The following MICAL3 variants were observed in gnomAD, a reference collection of about 807,000 sequenced individuals.
The protein encoded by MICAL3 is microtubule associated monooxygenase, calponin and LIM domain containing 3, also known as [F-actin]-monooxygenase MICAL3.
In MICAL3, 62 loss-of-function variants were observed where a neutral mutation model predicts 207.4. The observed-to-expected ratio is 0.30, with a 90% CI of 0.24 to 0.37. The LOEUF is 0.37. Among genes scored for constraint, MICAL3 ranks in the 10% least tolerant of loss-of-function variants. The probability of loss-of-function intolerance (pLI) is 1.00; values close to 1 mark genes in which losing one functional copy is unlikely to be tolerated. For missense variants in MICAL3, 2,368 were observed against 2,635.6 expected (o/e 0.90, Z 2.22); for synonymous variants, 1,077 against 1,069.3 (o/e 1.01, Z -0.14).
intron 23 of MICAL3, among the ~76,000 whole-genome samples, 165 bp from the exon 24 acceptor site, chr22:17,822,335 G>A (rs1921735059): frequency 6.6e-6 from 1 of 152,220 alleles, no homozygotes; most frequent in African/African-American, 2.4e-5. Flanking sequence ...GACCACCCCC[G>A]CTCCTGAGGG....
intron 3 of MICAL3, among the ~76,000 whole-genome samples, chr22:17,904,128 C>T (rs898354899): frequency 1.3e-5 from 2 of 152,250 alleles, no homozygotes; most frequent in Non-Finnish European, 2.9e-5. Flanking sequence ...TTGCCATTAA[C>T]GGCCAGGCCA....
At chr22:17,849,719 G>A (rs1925086666) in intron 19 of MICAL3, among the ~76,000 whole-genome samples, 1 of 129,514 alleles carries the variant, frequency 7.7e-6, no homozygotes, top group Non-Finnish European at 1.6e-5. Flanking sequence ...TTTTGAGATG[G>A]AGTCTCACCC....
rs1298510609 is a variant in MICAL3 at position 17,796,112 on chromosome 22, C to T, written c.5651-4811G>A. On this transcript the variant is annotated intron_variant, in intron 29 of 31. Coordinates refer to ENST00000441493, the MANE Select transcript of MICAL3 (RefSeq NM_015241.3). This position sits in a 1 kb window ranked among gnomAD's most constrained non-coding sequence, Gnocchi z 4.4. Reference sequence around the variant, plus strand: ...TCAAAGCACTCCTGCGTGCCCTGGGCGCTGGCCACCCCTCCTGAGCTCCCG... The same window carrying T: ...TCAAAGCACTCCTGCGTGCCCTGGGTGCTGGCCACCCCTCCTGAGCTCCCG... Among the ~76,000 whole-genome samples the T allele has an allele frequency of 2.6e-5, 4 of 152,128 alleles. No individual in the cohort carries two copies. The highest frequency in any genetic ancestry group is 4.4e-5 in the Non-Finnish European group (3 of 67,990).
chr22:17,997,587 C>T (rs1488106623), intron 1 of MICAL3, among the ~76,000 whole-genome samples: 1 of 152,132 alleles, frequency 6.6e-6, no homozygotes, highest in Non-Finnish European at 1.5e-5. Context: ...GGCTCTCAGG[C>T]CTGCCCATTA....
At chr22:17,798,779 T>C (rs1203402460) in intron 29 of MICAL3, among the ~76,000 whole-genome samples, 3 of 150,746 alleles carry the variant, frequency 2.0e-5, no homozygotes, top group Non-Finnish European at 2.9e-5. Context: ...GTTCACGTCA[T>C]TCTCCTGCCT....
intron 1 of MICAL3, among the ~76,000 whole-genome samples, chr22:17,996,159 G>T (rs76388366): frequency 7.0e-6 from 1 of 143,804 alleles, no homozygotes; most frequent in African/African-American, 2.6e-5. Context: ...AAAAAAAAAG[G>T]CTGGGCACAG....
chr22:17,853,640 T>C lies in MICAL3; in HGVS notation c.2605+11259A>G, dbSNP rs1021343103. On this transcript the variant is annotated intron_variant, in intron 19 of 31. Transcript: ENST00000441493. ...TAGCATTTTTCTTCATTTAAAAATT[T>C]TACACATGGTGAAACTGAGGCTCAC... 3.9e-5 allele frequency among the ~76,000 whole-genome samples: 6 copies of C among 152,210 alleles called. No homozygotes were observed. The East Asian group carries it at 1.2e-3, about 29-fold the overall frequency.
chr22:17,899,093 G>A (rs1280996934), intron 7 of MICAL3, among the ~76,000 whole-genome samples: 1 of 152,178 alleles, frequency 6.6e-6, no homozygotes, highest in Non-Finnish European at 1.5e-5. Flanking sequence ...AAATTAAACT[G>A]AGTATTTATG....
chr22:17,813,471 C>T (rs1005264058), intron 27 of MICAL3: 27 of 152,258 alleles, frequency 1.8e-4, no homozygotes, highest in African/African-American at 5.5e-4. Context: ...TTGCCTCCTT[C>T]AACTTTGAGC....
At chr22:17,855,108 C>G (rs753237473) in intron 19 of MICAL3, among the ~76,000 whole-genome samples, 1 of 152,202 alleles carries the variant, frequency 6.6e-6, no homozygotes, top group Non-Finnish European at 1.5e-5. Context: ...GAAAACCTCT[C>G]TATGCCGAAC....
chr22:17,814,368 T>C (rs1417320798), intron 27 of MICAL3: 1 of 152,252 alleles, frequency 6.6e-6, no homozygotes, highest in Non-Finnish European at 1.5e-5. Flanking sequence ...CGACCCTTCG[T>C]CCCTAAACGT....
At chr22:17,971,484 C>A (rs1258728419) in intron 1 of MICAL3, among the ~76,000 whole-genome samples, 2 of 152,078 alleles carry the variant, frequency 1.3e-5, no homozygotes, top group Admixed American at 6.5e-5. Context: ...CATGTCAAAA[C>A]AAACAAACAA....
At chr22:17,880,646 C>G (rs1929331312) in intron 16 of MICAL3, among the ~76,000 whole-genome samples, 1 of 148,974 alleles carries the variant, frequency 6.7e-6, no homozygotes, top group African/African-American at 2.6e-5. Context: ...GCTGTCCTCA[C>G]TGGCCTGCTG....
rs1185941445 is a variant in MICAL3, at chr22:17,950,417, G to GCA, written c.-74-43533_-74-43532dup. On this transcript the variant is annotated intron_variant, in intron 1 of 31. Coordinates refer to ENST00000441493, the MANE Select transcript of MICAL3 (RefSeq NM_015241.3). ...GGAGCGCAATTGATCCTGGTTCACT[G>GCA]CAACCTCCGCCTCCTGGGTTCAAGC... is the stretch of plus-strand genomic sequence containing the variant. Among the ~76,000 whole-genome samples the GCA allele has an allele frequency of 7.9e-5, 10 of 125,826 alleles. No individual in the cohort carries two copies. The South Asian group carries it at 2.7e-3, about 33-fold the overall frequency. The allele number at this position is 125,826 out of a possible 152,430, so 82.5% of individuals were successfully genotyped here. A position where few individuals can be genotyped will look rare whatever the true frequency, so the allele number is the denominator to read the frequency against.
intron 19 of MICAL3, among the ~76,000 whole-genome samples, chr22:17,842,797 G>A (rs1924179343): frequency 6.6e-6 from 1 of 152,184 alleles, no homozygotes. Context: ...TCCTTTGTGT[G>A]CACAGGGCGT....
rs999839787 is a variant in MICAL3, at chr22:17,798,726, T to A, written c.5651-7425A>T. ...TCTCCCTCTGTCACCCAGGCTGGAG[T>A]GCAGTGGCGCGATCTCGGCTCACTG... is the stretch of plus-strand genomic sequence containing the variant. On this transcript the variant is annotated intron_variant, in intron 29 of 31. Transcript: ENST00000441493. Among the ~76,000 whole-genome samples the A allele has an allele frequency of 2.8e-3, 393 of 141,416 alleles. 9 individuals are homozygous for A. Among genetic ancestry groups the A allele is most frequent in the Admixed American group, 0.025 (350 of 13,894 alleles). The allele number at this position is 141,416 out of a possible 152,430, so 92.8% of individuals were successfully genotyped here. A position where few individuals can be genotyped will look rare whatever the true frequency, so the allele number is the denominator to read the frequency against.
chr22:17,822,633 C>T (rs916739634), intron 23 of MICAL3, among the ~76,000 whole-genome samples: 5 of 152,234 alleles, frequency 3.3e-5, no homozygotes, highest in Admixed American at 2.6e-4. Flanking sequence ...CTCAGCCCCC[C>T]ACAACCAGAC....
chr22:17,879,374 C>T (rs753036788), intron 16 of MICAL3: 26 of 1,611,974 alleles, frequency 1.6e-5, no homozygotes, highest in African/African-American at 1.2e-4. Flanking sequence ...CTGCTTGCCA[C>T]GGTTGTCAGC....
chr22:17,937,390 G>A (rs140423478), intron 1 of MICAL3, among the ~76,000 whole-genome samples: 47 of 152,308 alleles, frequency 3.1e-4, no homozygotes, highest in African/African-American at 9.4e-4. Context: ...TGGGCCGGGC[G>A]TGGTGGCTCA....
Sources: gnomAD v4.1 joint callset for allele counts (sites outside exome capture counted in the v4.1 genomes callset) on GRCh38, gnomAD v4.1.1 for gene constraint, Gnocchi (gnomAD v3.1) non-coding constraint, MANE v1.5 for transcripts, NCBI Gene and HGNC (gene_info 2026-07-23, HGNC 2026-07-21) for gene names.